PDSS2: variants seen among roughly 807,000 people sequenced by gnomAD.
PDSS2 encodes decaprenyl diphosphate synthase subunit 2, also known as all trans-polyprenyl-diphosphate synthase PDSS2.
In PDSS2, 31 loss-of-function variants were observed where a neutral mutation model predicts 44.5. That is an observed-to-expected ratio of 0.70 (90% CI 0.52 to 0.94). The LOEUF (loss-of-function observed/expected upper bound fraction) is 0.94. PDSS2 is among the 40% of genes least tolerant of loss of function. The probability of loss-of-function intolerance (pLI) is 0.00; values close to 1 mark genes in which losing one functional copy is unlikely to be tolerated. For synonymous variants in PDSS2, 157 were observed against 180.3 expected, an observed-to-expected ratio of 0.87 and a Z score of 1.03; for missense variants, 452 against 482.2, an observed-to-expected ratio of 0.94 and a Z score of 0.59.
chr6:107,279,212 C>T (rs1036288127), intron 2 of PDSS2, among the ~76,000 whole-genome samples: 4 of 152,066 alleles, frequency 2.6e-5, no homozygotes, highest in African/African-American at 9.7e-5. Flanking sequence ...GAGTGAAACT[C>T]TGTCTCAAAA....
intron 1 of PDSS2, among the ~76,000 whole-genome samples, chr6:107,439,242 G>A (rs1781444991): frequency 6.6e-6 from 1 of 152,194 alleles, no homozygotes; most frequent in Admixed American, 6.5e-5. Flanking sequence ...GGCAATTTCA[G>A]CAAGCAACTG....
intron 7 of PDSS2, chr6:107,192,389 A>G: frequency 2.0e-6 from 1 of 511,396 alleles, no homozygotes. Context: ...GGAAAGGCCC[A>G]GGGAAAAAGT....
chr6:107,405,487 C>G (rs777869869), intron 1 of PDSS2, among the ~76,000 whole-genome samples: 12 of 151,788 alleles, frequency 7.9e-5, no homozygotes, highest in Non-Finnish European at 1.5e-4. Context: ...CAATCAATAT[C>G]ATGACAGGAA....
chr6:107,205,591 T>G (rs1457896910), intron 6 of PDSS2, among the ~76,000 whole-genome samples: 3 of 152,162 alleles, frequency 2.0e-5, no homozygotes, highest in Non-Finnish European at 4.4e-5. Context: ...AATTTAAAAT[T>G]AAGGCAGGGA....
chr6:107,169,994 C>T (rs1485518208), intron 7 of PDSS2, among the ~76,000 whole-genome samples: 2 of 152,172 alleles, frequency 1.3e-5, no homozygotes, highest in Non-Finnish European at 2.9e-5. Flanking sequence ...AACCACTACT[C>T]TCTTCAAAGC....
intron 1 of PDSS2, among the ~76,000 whole-genome samples, chr6:107,446,409 T>G (rs1011236517): frequency 6.6e-6 from 1 of 152,208 alleles, no homozygotes; most frequent in Non-Finnish European, 1.5e-5. Flanking sequence ...GGTGAAATCA[T>G]GTAATAGCTA....
intron 7 of PDSS2, among the ~76,000 whole-genome samples, chr6:107,181,267 G>A (rs1771964982): frequency 6.6e-6 from 1 of 152,174 alleles, no homozygotes; most frequent in Non-Finnish European, 1.5e-5. Context: ...GGGCGCAGTG[G>A]CTCATGCCTG....
At chr6:107,224,412 T>A (rs1773718700) in intron 4 of PDSS2, among the ~76,000 whole-genome samples, 1 of 151,380 alleles carries the variant, frequency 6.6e-6, no homozygotes. Context: ...TGGGAGTTGT[T>A]TCCTCTAGAT....
chr6:107,260,593 G>A (rs1303868393), intron 3 of PDSS2, among the ~76,000 whole-genome samples: 1 of 150,690 alleles, frequency 6.6e-6, no homozygotes, highest in Non-Finnish European at 1.5e-5. Context: ...TAGCAACCTT[G>A]ATCTTTGTAA....
chr6:107,439,263 T>G (rs1583087181), intron 1 of PDSS2, among the ~76,000 whole-genome samples: 1 of 152,310 alleles, frequency 6.6e-6, no homozygotes, highest in East Asian at 1.9e-4. Flanking sequence ...AAGTAATGAT[T>G]TCTTTCTGAA....
intron 3 of PDSS2, among the ~76,000 whole-genome samples, chr6:107,255,190 T>A (rs1396375765): frequency 2.0e-5 from 3 of 149,896 alleles, no homozygotes; most frequent in Non-Finnish European, 1.5e-5. Context: ...AATTTTCTAT[T>A]GCATTCTATT....
intron 2 of PDSS2, among the ~76,000 whole-genome samples, chr6:107,323,321 ATTCAGTGTCT>A (rs1777441430): frequency 6.6e-6 from 1 of 152,210 alleles, no homozygotes; most frequent in Non-Finnish European, 1.5e-5. Flanking sequence ...CATAAGAAAT[ATTCAGTGTCT>A]TTCAGTGTCC....
At chr6:107,300,814 C>T (rs1307901089) in intron 2 of PDSS2, among the ~76,000 whole-genome samples, 1 of 152,166 alleles carries the variant, frequency 6.6e-6, no homozygotes, top group Non-Finnish European at 1.5e-5. Flanking sequence ...AACACATATT[C>T]ACACATATGT....
At chr6:107,171,036 G>A (rs1207705544) in intron 7 of PDSS2, among the ~76,000 whole-genome samples, 1 of 152,204 alleles carries the variant, frequency 6.6e-6, no homozygotes, top group Non-Finnish European at 1.5e-5. Context: ...AATACAGAGA[G>A]GAACACAGTT....
At chr6:107,173,036 A>G (rs1554249009) in intron 7 of PDSS2, among the ~76,000 whole-genome samples, 1 of 151,332 alleles carries the variant, frequency 6.6e-6, no homozygotes, top group Non-Finnish European at 1.5e-5. Context: ...AGGCGGGAGA[A>G]TCGCTTGAAC....
intron 6 of PDSS2, 44 bp from the exon 7 acceptor site, chr6:107,193,898 G>A (rs1387021530): frequency 8.0e-7 from 1 of 1,248,666 alleles, no homozygotes; most frequent in Admixed American, 1.7e-5. Context: ...TTCTCTAAAA[G>A]TTTAGTGCTT....
intron 2 of PDSS2, among the ~76,000 whole-genome samples, chr6:107,312,756 A>G (rs750297058): frequency 2.6e-5 from 4 of 152,218 alleles, no homozygotes; most frequent in Non-Finnish European, 4.4e-5. Context: ...AGAAGGAAGA[A>G]GGGAGGATAA....
At chr6:107,414,118 T>C (rs1002157364) in intron 1 of PDSS2, among the ~76,000 whole-genome samples, 3 of 152,268 alleles carry the variant, frequency 2.0e-5, no homozygotes, top group South Asian at 2.1e-4. Flanking sequence ...TTAGTGATCA[T>C]AGTAAGATCT....
At chr6:107,448,725 C>A (rs759526381) in intron 1 of PDSS2, among the ~76,000 whole-genome samples, 1 of 152,128 alleles carries the variant, frequency 6.6e-6, no homozygotes, top group African/African-American at 2.4e-5. Flanking sequence ...CCACTCTCTA[C>A]GGTACCAATT....
Sources: allele counts gnomAD v4.1 joint callset (sites outside exome capture counted in the v4.1 genomes callset), GRCh38; gene constraint gnomAD v4.1.1; transcripts MANE v1.5; gene names NCBI Gene and HGNC (gene_info 2026-07-23, HGNC 2026-07-21).